The following GNG2 variants were observed in gnomAD, a reference collection of about 807,000 sequenced individuals.
GNG2 encodes G protein subunit gamma 2.
A neutral mutation model predicts 5.5 loss-of-function variants in GNG2; 5 were observed. The observed-to-expected ratio is 0.91, with a 90% CI of 0.48 to 1.92. The LOEUF (loss-of-function observed/expected upper bound fraction) is 1.92. Ranked by LOEUF, GNG2 falls within the 30% of genes most tolerant of loss-of-function variation. The pLI is 0.01. For missense variants in GNG2, 55 were observed against 88.4 expected (o/e 0.62, Z 1.52); for synonymous variants, 28 against 32.0 (o/e 0.88, Z 0.42).
At chr14:51,933,657 C>T (rs1566696820) in intron 2 of GNG2, among the ~76,000 whole-genome samples, 1 of 152,110 alleles carries the variant, frequency 6.6e-6, no homozygotes, top group African/African-American at 2.4e-5. Flanking sequence ...AAAATGAGAG[C>T]CGCTGCTCGA....
chr14:51,898,390 A>G (rs1200686768), intron 2 of GNG2, among the ~76,000 whole-genome samples: 2 of 152,178 alleles, frequency 1.3e-5, no homozygotes, highest in Non-Finnish European at 2.9e-5. Context: ...TGGATGTAGG[A>G]AGGCACACCA....
intron 2 of GNG2, among the ~76,000 whole-genome samples, chr14:51,913,740 T>A (rs1436043762): frequency 1.3e-5 from 2 of 152,188 alleles, no homozygotes; most frequent in African/African-American, 2.4e-5. Flanking sequence ...CTCTTAGTAC[T>A]GCTGTAAAAC....
At chr14:51,858,939 A>T (rs187307901), upstream of GNG2, among the ~76,000 whole-genome samples, 248 of 152,306 alleles carry the variant, frequency 1.6e-3, 1 homozygote, top group African/African-American at 5.5e-3. Flanking sequence ...AAACTGTTCA[A>T]ATCAAAACAA....
chr14:51,827,782 A>C (rs772542450), exon 2 of GNG2: 7 of 698,546 alleles, frequency 1.0e-5, no homozygotes, highest in African/African-American at 8.8e-5. Flanking sequence ...AAAGAGAAGC[A>C]AGAGATGGTG....
chr14:51,918,022 T>C (rs1886757129), intron 2 of GNG2, among the ~76,000 whole-genome samples: 1 of 131,416 alleles, frequency 7.6e-6, no homozygotes, highest in African/African-American at 3.1e-5. Flanking sequence ...AGAGACTCCA[T>C]CTCAAAAAAC....
At chr14:51,869,209 T>C (rs566463044) in intron 1 of GNG2, among the ~76,000 whole-genome samples, 1 of 152,332 alleles carries the variant, frequency 6.6e-6, no homozygotes, top group South Asian at 2.1e-4. Flanking sequence ...AAAATAACCC[T>C]ACGAAATAAG....
At chr14:51,841,439 G>A in intron 2 of GNG2, 1 of 660,354 alleles carries the variant, frequency 1.5e-6, no homozygotes, top group Middle Eastern at 2.4e-4. Flanking sequence ...TGTTTGTTCT[G>A]TATGAATTCA....
chr14:51,968,527 T>C lies in GNG2; in HGVS notation c.*1840T>C, dbSNP rs1890049363. 1 of 152,208 alleles carries C rather than the reference T, an allele frequency of 6.6e-6. No homozygotes were observed. Among genetic ancestry groups the C allele is most frequent in the South Asian group, 2.1e-4 (1 of 4,830 alleles). The allele number at this position is 152,208 out of a possible 1,614,324, so 9.4% of individuals were successfully genotyped here. A position where few individuals can be genotyped will look rare whatever the true frequency, so the allele number is the denominator to read the frequency against. ...CATGCTGGGGTCGGGGAGAAGAGGA[T>C]ACTGAAACATTTGTGAAATGTATGA... is the stretch of plus-strand genomic sequence containing the variant. On this transcript the variant is annotated 3_prime_UTR_variant, in exon 4 of 4. Transcript: ENST00000556766.
At position 51,846,925 on chromosome 14, in the gene GNG2, T is replaced by G. The variant is rs570627036; in HGVS notation, c.64+19118T>G. Among the ~76,000 whole-genome samples, 4 of 152,342 alleles carry G rather than the reference T, an allele frequency of 2.6e-5. No individual in the cohort carries two copies. The South Asian group carries it at 8.3e-4, about 32-fold the overall frequency. ...TGGTTTTGTTTTGTTTTCTCGCTAT[T>G]CTTACTGACGTCTTTGTGTGGTGCA... On this transcript the variant is annotated intron_variant, in intron 2 of 3. Transcript: ENST00000553432.
upstream of GNG2, among the ~76,000 whole-genome samples, chr14:51,858,309 G>A (rs1427478820): frequency 6.6e-6 from 1 of 152,160 alleles, no homozygotes. Context: ...TGAAAGAGAG[G>A]TCTTAAAATC....
chr14:51,897,807 G>A (rs1178060215), intron 2 of GNG2, among the ~76,000 whole-genome samples: 1 of 152,204 alleles, frequency 6.6e-6, no homozygotes, highest in African/African-American at 2.4e-5. Flanking sequence ...TCCCATAGGG[G>A]CATAACAGCT....
intron 2 of GNG2, among the ~76,000 whole-genome samples, chr14:51,933,083 C>T (rs968177432): frequency 6.6e-6 from 1 of 152,186 alleles, no homozygotes; most frequent in African/African-American, 2.4e-5. Flanking sequence ...TCCCTAGAGC[C>T]TCTGGCAGGA....
intron 3 of GNG2, among the ~76,000 whole-genome samples, chr14:51,957,155 A>AAATC (rs1450587025): frequency 8.1e-6 from 1 of 123,552 alleles, no homozygotes; most frequent in African/African-American, 2.9e-5. Flanking sequence ...CTTGTGCAGT[A>AAATC]GATCCCACCT....
At chr14:51,907,947 G>T (rs1462226151) in intron 2 of GNG2, among the ~76,000 whole-genome samples, 1 of 152,224 alleles carries the variant, frequency 6.6e-6, no homozygotes, top group Non-Finnish European at 1.5e-5. Context: ...AAATTATAGA[G>T]TTGACTGGAT....
At chr14:51,846,791 A>G (rs1433681424) in intron 2 of GNG2, among the ~76,000 whole-genome samples, 3 of 151,834 alleles carry the variant, frequency 2.0e-5, no homozygotes, top group Non-Finnish European at 2.9e-5. Context: ...ATGCACCCCT[A>G]CTCCAGGAAG....
At chr14:51,934,589 G>T (rs773532142) in intron 2 of GNG2, among the ~76,000 whole-genome samples, 43 of 152,118 alleles carry the variant, frequency 2.8e-4, no homozygotes, top group Non-Finnish European at 5.3e-4. Context: ...TGACTCATCC[G>T]TGATCACTCA....
chr14:51,944,247 A>G (rs1003735870), intron 2 of GNG2, among the ~76,000 whole-genome samples: 3 of 152,232 alleles, frequency 2.0e-5, no homozygotes, highest in Non-Finnish European at 4.4e-5. Flanking sequence ...GGCTTAAAGA[A>G]TAAGCATTTC....
chr14:51,912,288 G>A (rs558385422), intron 2 of GNG2, among the ~76,000 whole-genome samples: 5 of 152,264 alleles, frequency 3.3e-5, no homozygotes, highest in East Asian at 1.9e-4. Context: ...AAGGAAGAGA[G>A]CACTAAGATT....
intron 3 of GNG2, among the ~76,000 whole-genome samples, chr14:51,965,995 G>T (rs1423050312): frequency 1.3e-5 from 2 of 151,866 alleles, no homozygotes; most frequent in Non-Finnish European, 2.9e-5. Context: ...GATCACTTGA[G>T]TCCAGGAGTT....
Sources: allele counts gnomAD v4.1 joint callset (sites outside exome capture counted in the v4.1 genomes callset), GRCh38; gene constraint gnomAD v4.1.1; transcripts MANE v1.5; gene names NCBI Gene and HGNC (gene_info 2026-07-23, HGNC 2026-07-21).